Variants in LRFN2 observed in about 807,000 individuals in gnomAD.
LRFN2 encodes leucine-rich repeat and fibronectin type-III domain-containing protein 2.
Under a neutral mutation model 37.3 loss-of-function variants are expected in LRFN2, and 18 were observed. The ratio of observed to expected loss-of-function variants is 0.48; its 90% CI spans 0.33 to 0.72. LRFN2 has a LOEUF of 0.72. LRFN2 is among the 30% of genes least tolerant of loss of function. The pLI, the probability that LRFN2 is intolerant of heterozygous loss-of-function variation, is 0.02. For missense variants in LRFN2, 1,006 were observed against 1,060.7 expected (o/e 0.95, Z 0.72); for synonymous variants, 556 against 466.6 (o/e 1.19, Z -2.47).
At position 40,456,492 on chromosome 6, in the gene LRFN2, A is replaced by G. The variant is rs185069251; in HGVS notation, c.-18-23361T>C. On this transcript the variant is annotated intron_variant, in intron 1 of 2. Transcript: ENST00000338305. ...GTAGCTAGCCTGAGTACTTAGGGTC[A>G]CTGATCTCTTTGAATCTTGTGCTCT... 1.3e-3 allele frequency among the ~76,000 whole-genome samples: 196 copies of G among 152,310 alleles called. 1 individual carries two copies. The highest frequency in any genetic ancestry group is 2.2e-3 in the Non-Finnish European group (147 of 68,022).
At chr6:40,396,252 GC>G (rs1410287473) in intron 2 of LRFN2, among the ~76,000 whole-genome samples, 1 of 152,102 alleles carries the variant, frequency 6.6e-6, no homozygotes, top group Non-Finnish European at 1.5e-5. Flanking sequence ...GAAAGGTTAA[GC>G]TACCTGCCCA....
chr6:40,461,574 C>G (rs1434470036), intron 1 of LRFN2, among the ~76,000 whole-genome samples: 1 of 146,834 alleles, frequency 6.8e-6, no homozygotes, highest in East Asian at 2.0e-4. Context: ...CCCCAGCCAC[C>G]CCCCTCCCCC....
intron 1 of LRFN2, among the ~76,000 whole-genome samples, chr6:40,557,741 A>G (rs1439287260): frequency 6.6e-6 from 1 of 152,134 alleles, no homozygotes; most frequent in Non-Finnish European, 1.5e-5. Flanking sequence ...CTTCCATGTG[A>G]CTTAGCCTTT....
intron 1 of LRFN2, among the ~76,000 whole-genome samples, chr6:40,456,585 A>G (rs925507523): frequency 6.6e-6 from 1 of 152,244 alleles, no homozygotes; most frequent in African/African-American, 2.4e-5. Context: ...GTGTTTGCAC[A>G]GCCCTTTAAA....
chr6:40,522,338 G>A (rs1169066690), intron 1 of LRFN2, among the ~76,000 whole-genome samples: 1 of 152,134 alleles, frequency 6.6e-6, no homozygotes, highest in Non-Finnish European at 1.5e-5. Flanking sequence ...GGGACCCCAT[G>A]GAGTGAGAAG....
intron 1 of LRFN2, among the ~76,000 whole-genome samples, chr6:40,515,266 C>T (rs1041188616): frequency 3.3e-5 from 5 of 152,184 alleles, no homozygotes; most frequent in East Asian, 3.9e-4. Flanking sequence ...TTGTGGCCAG[C>T]GTCTCCATCC....
rs543064808 is a variant in LRFN2, at chr6:40,415,345, C to A, written c.1400+16369G>T. Among the ~76,000 whole-genome samples, 1,070 of 152,226 alleles carry A rather than the reference C, an allele frequency of 7.0e-3. 7 individuals are homozygous for A. Among genetic ancestry groups the A allele is most frequent in the Non-Finnish European group, 0.011 (748 of 68,014 alleles). The stretch of plus-strand genomic sequence containing the variant: ...GGTTCATGTGACTCTCCTGCCTCAG[C>A]CCCCCAAGTACCTGGAATTACAGGC... On this transcript the variant is annotated intron_variant, in intron 2 of 2. Transcript: ENST00000338305.
At chr6:40,446,972 C>G (rs528500833) in intron 1 of LRFN2, among the ~76,000 whole-genome samples, 4 of 145,548 alleles carry the variant, frequency 2.7e-5, no homozygotes, top group Admixed American at 1.4e-4. Flanking sequence ...TCCCTGAGGA[C>G]GAGGCTGCAT....
intron 1 of LRFN2, among the ~76,000 whole-genome samples, chr6:40,454,528 G>A (rs558193048): frequency 2.0e-5 from 3 of 152,318 alleles, no homozygotes; most frequent in South Asian, 2.1e-4. Flanking sequence ...GAGGGGGTAC[G>A]TGCAGAAGGA....
intron 1 of LRFN2, among the ~76,000 whole-genome samples, chr6:40,504,991 C>T (rs562648882): frequency 7.2e-4 from 109 of 152,294 alleles, no homozygotes; most frequent in African/African-American, 2.6e-3. Context: ...CACACTGAAC[C>T]ATTTCTAGAG....
intron 1 of LRFN2, among the ~76,000 whole-genome samples, chr6:40,555,993 T>C (rs1237125500): frequency 2.6e-5 from 3 of 114,122 alleles, no homozygotes; most frequent in African/African-American, 1.3e-4. Flanking sequence ...ATCAGAATAA[T>C]CTCAACAATA....
chr6:40,511,355 T>C (rs576090830), intron 1 of LRFN2, among the ~76,000 whole-genome samples: 9 of 152,316 alleles, frequency 5.9e-5, no homozygotes, highest in African/African-American at 1.4e-4. Context: ...GAAAGAAATG[T>C]CACTGTTAAA....
At chr6:40,518,940 T>G in intron 1 of LRFN2, among the ~76,000 whole-genome samples, 1 of 150,918 alleles carries the variant, frequency 6.6e-6, no homozygotes, top group Non-Finnish European at 1.5e-5. Context: ...AAGTGGAGAG[T>G]CTGGGGGCAG....
intron 1 of LRFN2, among the ~76,000 whole-genome samples, chr6:40,542,394 G>A (rs761132): frequency 0.46 from 70,344 of 151,358 alleles, 16,653 homozygotes; most frequent in South Asian, 0.56. Flanking sequence ...ATGAACTCAG[G>A]AAGCAGGCTG....
chr6:40,420,453 C>T (rs1445121214), intron 2 of LRFN2, among the ~76,000 whole-genome samples: 1 of 152,248 alleles, frequency 6.6e-6, no homozygotes, highest in Non-Finnish European at 1.5e-5. Context: ...CACTCACAGA[C>T]AGGCAGGAAA....
intron 2 of LRFN2, among the ~76,000 whole-genome samples, chr6:40,412,085 G>A (rs1304516196): frequency 3.3e-5 from 5 of 152,078 alleles, no homozygotes; most frequent in Non-Finnish European, 7.4e-5. Context: ...AGCACTGACA[G>A]CAGCCTTGGC....
chr6:40,487,792 G>T (rs115925717), intron 1 of LRFN2, among the ~76,000 whole-genome samples: 2,936 of 152,326 alleles, frequency 0.019, 51 homozygotes, highest in Admixed American at 0.04. Context: ...GAGTGCCGCT[G>T]CCCACCCTTC....
At chr6:40,491,433 C>T (rs1402697004) in intron 1 of LRFN2, among the ~76,000 whole-genome samples, 1 of 152,248 alleles carries the variant, frequency 6.6e-6, no homozygotes, top group African/African-American at 2.4e-5. Context: ...GGGCTCCTAG[C>T]ATCCCGGCTC....
intron 1 of LRFN2, among the ~76,000 whole-genome samples, chr6:40,562,140 A>G (rs1442028994): frequency 6.6e-6 from 1 of 152,324 alleles, no homozygotes; most frequent in East Asian, 1.9e-4. Context: ...TCAACACATG[A>G]TAAGAGGCAG....
Sources: gnomAD v4.1 joint callset for allele counts (sites outside exome capture counted in the v4.1 genomes callset) on GRCh38, gnomAD v4.1.1 for gene constraint, MANE v1.5 for transcripts, NCBI Gene and HGNC (gene_info 2026-07-23, HGNC 2026-07-21) for gene names.